IQCM: variants seen among roughly 807,000 people sequenced by gnomAD.
IQCM encodes the protein IQ domain-containing protein M.
IQCM carries 45 observed loss-of-function variants against 57.6 expected under a neutral mutation model. That is an observed-to-expected ratio of 0.78 (90% CI 0.62 to 1.00). The LOEUF is 1.00. Among genes scored for constraint, IQCM ranks in the 50% least tolerant of loss-of-function variants. The probability of loss-of-function intolerance (pLI) is 0.00; values close to 1 mark genes in which losing one functional copy is unlikely to be tolerated. For missense variants in IQCM, 468 were observed against 511.6 expected (o/e 0.91, Z 0.82); for synonymous variants, 148 against 158.9 (o/e 0.93, Z 0.51).
In IQCM at chr4:149,747,448, T is replaced by C. The variant is rs1271652341; in HGVS notation, c.-48-4709A>G. On this transcript the variant is annotated intron_variant, in intron 2 of 13. Transcript: ENST00000636793. ...TTTATAATGCCTAATGCAATGTAAATGCTATGCAAGTAGTTCTAACACCAT... is the reference window on the plus strand; with the variant it reads ...TTTATAATGCCTAATGCAATGTAAACGCTATGCAAGTAGTTCTAACACCAT... 2.0e-5 allele frequency among the ~76,000 whole-genome samples: 3 copies of C among 152,176 alleles called. 1 individual carries two copies. The highest frequency in any genetic ancestry group is 7.2e-5 in the African/African-American group (3 of 41,450).
intron 13 of IQCM, among the ~76,000 whole-genome samples, chr4:149,420,820 T>C (rs1211285477): frequency 1.3e-5 from 2 of 152,042 alleles, no homozygotes; most frequent in Admixed American, 6.6e-5. Context: ...AAAATCATCC[T>C]CTTGACTTTT....
intron 7 of IQCM, among the ~76,000 whole-genome samples, chr4:149,629,230 A>G (rs1191734522): frequency 1.3e-5 from 2 of 152,144 alleles, no homozygotes; most frequent in Non-Finnish European, 2.9e-5. Context: ...TAGGAACTAA[A>G]CCATTTTTTT....
chr4:149,784,710 G>A (rs1407383413), intron 2 of IQCM, among the ~76,000 whole-genome samples: 1 of 152,082 alleles, frequency 6.6e-6, no homozygotes, highest in Non-Finnish European at 1.5e-5. Context: ...CACCGCGCCC[G>A]GCCTGAAAAA....
chr4:149,382,208 A>G (rs1436413743), intron 13 of IQCM, among the ~76,000 whole-genome samples: 1 of 152,162 alleles, frequency 6.6e-6, no homozygotes, highest in Non-Finnish European at 1.5e-5. Flanking sequence ...TGCCTGGCAT[A>G]CAGTAGATGC....
intron 2 of IQCM, among the ~76,000 whole-genome samples, chr4:149,802,462 A>T (rs186085708): frequency 2.6e-4 from 40 of 152,102 alleles, no homozygotes; most frequent in African/African-American, 9.6e-4. Flanking sequence ...ATGTACAGCC[A>T]ATCACTACCA....
At chr4:149,701,552 C>G (rs1763773771) in intron 5 of IQCM, among the ~76,000 whole-genome samples, 1 of 151,992 alleles carries the variant, frequency 6.6e-6, no homozygotes, top group Non-Finnish European at 1.5e-5. Context: ...GTTGTCATTT[C>G]TCTTGCATGC....
chr4:149,420,191 A>T (rs1489173954), intron 13 of IQCM, among the ~76,000 whole-genome samples: 1 of 152,110 alleles, frequency 6.6e-6, no homozygotes, highest in Non-Finnish European at 1.5e-5. Flanking sequence ...ACACATGCAC[A>T]TGTATGTTCA....
intron 7 of IQCM, among the ~76,000 whole-genome samples, chr4:149,623,762 C>T (rs1756556233): frequency 1.3e-5 from 2 of 149,986 alleles, no homozygotes; most frequent in African/African-American, 4.9e-5. Context: ...TACACATGTG[C>T]ACAAGAGTAG....
chr4:149,581,965 G>T (rs779350594), intron 9 of IQCM, among the ~76,000 whole-genome samples: 2 of 151,530 alleles, frequency 1.3e-5, no homozygotes, highest in East Asian at 2.0e-4. Context: ...GCCTTGGAGC[G>T]GGGAGGTTTG....
chr4:149,763,700 G>T (rs1185579082), intron 2 of IQCM, among the ~76,000 whole-genome samples: 1 of 152,156 alleles, frequency 6.6e-6, no homozygotes, highest in Non-Finnish European at 1.5e-5. Context: ...GCTCAAGGCG[G>T]AAGAGCTACA....
intron 6 of IQCM, among the ~76,000 whole-genome samples, chr4:149,683,601 T>C (rs1244329024): frequency 6.6e-6 from 1 of 151,296 alleles, no homozygotes; most frequent in Non-Finnish European, 1.5e-5. Flanking sequence ...AAAATTCCAT[T>C]TGAAATTCTA....
chr4:149,674,510 A>G (rs1319465529), intron 7 of IQCM, among the ~76,000 whole-genome samples: 1 of 152,126 alleles, frequency 6.6e-6, no homozygotes, highest in East Asian at 1.9e-4. Context: ...AGAGAAGTAG[A>G]TAGGTCTGGA....
chr4:149,405,579 T>A (rs1578949153), intron 13 of IQCM, among the ~76,000 whole-genome samples: 1 of 151,192 alleles, frequency 6.6e-6, no homozygotes, highest in East Asian at 2.0e-4. Context: ...GAATAAGTAA[T>A]AGCTGACCCT....
chr4:149,793,201 GCATTTATACC>G (rs1378565732), intron 2 of IQCM, among the ~76,000 whole-genome samples: 3 of 152,134 alleles, frequency 2.0e-5, no homozygotes, highest in Admixed American at 2.0e-4. Flanking sequence ...ATGAATCCAT[GCATTTATACC>G]CAAGATCTAG....
intron 13 of IQCM, among the ~76,000 whole-genome samples, chr4:149,360,149 G>A (rs981565838): frequency 6.6e-6 from 1 of 152,032 alleles, no homozygotes; most frequent in Non-Finnish European, 1.5e-5. Context: ...TACAGTTCTA[G>A]ATGGCAATTA....
intron 12 of IQCM, among the ~76,000 whole-genome samples, chr4:149,545,466 T>A (rs1259844449): frequency 6.6e-6 from 1 of 152,032 alleles, no homozygotes; most frequent in Admixed American, 6.6e-5. Flanking sequence ...ATCAGGGAAA[T>A]GCAAGTCAAA....
At chr4:149,729,084 G>C (rs1042675605) in intron 5 of IQCM, among the ~76,000 whole-genome samples, 2 of 152,210 alleles carry the variant, frequency 1.3e-5, no homozygotes, top group African/African-American at 2.4e-5. Flanking sequence ...CCAGTCCAAA[G>C]ATGTTATAGA....
intron 12 of IQCM, among the ~76,000 whole-genome samples, chr4:149,435,371 G>A (rs762606654): frequency 2.6e-5 from 4 of 151,998 alleles, no homozygotes; most frequent in African/African-American, 9.7e-5. Flanking sequence ...CCTGGCTGTG[G>A]TAACATTGTA....
intron 2 of IQCM, among the ~76,000 whole-genome samples, chr4:149,791,631 G>A (rs1192656389): frequency 6.6e-6 from 1 of 152,008 alleles, no homozygotes; most frequent in Non-Finnish European, 1.5e-5. Flanking sequence ...CTCTTACCTA[G>A]AAATTGTTTT....
Sources: gnomAD v4.1 joint callset for allele counts (sites outside exome capture counted in the v4.1 genomes callset) on GRCh38, gnomAD v4.1.1 for gene constraint, MANE v1.5 for transcripts, NCBI Gene and HGNC (gene_info 2026-07-23, HGNC 2026-07-21) for gene names.